EML5: variants seen among roughly 807,000 people sequenced by gnomAD.
EML5 encodes EMAP like 5.
Under a neutral mutation model 250.0 loss-of-function variants are expected in EML5, and 120 were observed. The observed-to-expected ratio is 0.48, with a 90% CI of 0.41 to 0.56. The LOEUF (loss-of-function observed/expected upper bound fraction) is 0.56, where lower values mean the gene tolerates loss of function less well. Ranked by LOEUF, EML5 falls within the 20% of genes least tolerant of loss-of-function variation. The probability of loss-of-function intolerance (pLI) is 0.00; values close to 1 mark genes in which losing one functional copy is unlikely to be tolerated. For synonymous variants in EML5, 771 were observed against 806.5 expected, an observed-to-expected ratio of 0.96 and a Z score of 0.75; for missense variants, 2,006 against 2,437.6, an observed-to-expected ratio of 0.82 and a Z score of 3.73.
chr14:88,747,115 C>G (rs758670492), intron 2 of EML5, among the ~76,000 whole-genome samples: 61 of 150,662 alleles, frequency 4.0e-4, no homozygotes, highest in Non-Finnish European at 6.9e-4. Context: ...GCTAAACAAA[C>G]AAACAAAAAA....
chr14:88,775,268 T>A (rs549262592), intron 1 of EML5, among the ~76,000 whole-genome samples: 181 of 152,194 alleles, frequency 1.2e-3, no homozygotes, highest in Middle Eastern at 6.8e-3. Flanking sequence ...GTACCTTAGG[T>A]ACCAGCATGG....
At position 88,638,808 on chromosome 14, in the gene EML5, C is replaced by T. The variant is rs761912191; in HGVS notation, c.4336+1G>A. The T allele has an allele frequency of 2.5e-6, 4 of 1,572,462 alleles. No homozygotes were observed. The highest frequency in any genetic ancestry group is 1.2e-5 in the South Asian group (1 of 84,448). On this transcript the variant is annotated splice_donor_variant, in intron 32 of 43. Coordinates refer to ENST00000554922, the MANE Select transcript of EML5 (RefSeq NM_183387.3). LOFTEE classifies it high-confidence loss of function. ...TTTCTTTTTAAAATACAGAAACATA[C>T]CTACTTGGCCAGTTGCCACTATGTT...
chr14:88,662,926 T>C (rs140722879), intron 24 of EML5, 105 bp downstream of exon 24: 2 of 766,558 alleles, frequency 2.6e-6, no homozygotes, highest in East Asian at 3.0e-5. Context: ...ATTTTAATAA[T>C]TTGAGAACAG....
intron 1 of EML5, among the ~76,000 whole-genome samples, chr14:88,768,806 C>G (rs1312504694): frequency 2.0e-5 from 3 of 151,986 alleles, no homozygotes; most frequent in Admixed American, 6.6e-5. Context: ...TTTATTTAAC[C>G]CATCTATTTA....
intron 4 of EML5, among the ~76,000 whole-genome samples, chr14:88,742,580 C>T (rs1012725092): frequency 1.3e-5 from 2 of 152,064 alleles, no homozygotes; most frequent in African/African-American, 4.8e-5. Context: ...GCTTTACTTA[C>T]AATATAAAAT....
At chr14:88,616,700 T>TA (rs1302239197) in intron 42 of EML5, 26 bp downstream of exon 42, 1 of 1,599,734 alleles carries the variant, frequency 6.3e-7, no homozygotes, top group African/African-American at 1.3e-5. Flanking sequence ...AGTAAACTGA[T>TA]AATAGTAAAC....
At chr14:88,616,578 C>T (rs1281097677) in intron 42 of EML5, 148 bp downstream of exon 42, 5 of 805,326 alleles carry the variant, frequency 6.2e-6, no homozygotes, top group Non-Finnish European at 7.6e-6. Context: ...TTTCTAATAG[C>T]TTTTATTTCA....
intron 15 of EML5, among the ~76,000 whole-genome samples, 184 bp downstream of exon 15, chr14:88,696,657 GTTATAA>G (rs1457615050): frequency 6.6e-6 from 1 of 152,112 alleles, no homozygotes; most frequent in African/African-American, 2.4e-5. Context: ...TACTCATTAA[GTTATAA>G]TTATAAACTA....
At chr14:88,690,936 C>T (rs2141277065) in intron 17 of EML5, among the ~76,000 whole-genome samples, 1 of 152,256 alleles carries the variant, frequency 6.6e-6, no homozygotes, top group South Asian at 2.1e-4. Flanking sequence ...TGTACAATGT[C>T]CACTAGAGCA....
intron 1 of EML5, among the ~76,000 whole-genome samples, chr14:88,757,392 T>G (rs1303136066): frequency 1.3e-5 from 2 of 152,094 alleles, no homozygotes; most frequent in Non-Finnish European, 1.5e-5. Flanking sequence ...GCATAAATCT[T>G]ACCAATCTTG....
At chr14:88,728,360 G>A (rs2093699343) in intron 7 of EML5, among the ~76,000 whole-genome samples, 1 of 152,068 alleles carries the variant, frequency 6.6e-6, no homozygotes, top group Non-Finnish European at 1.5e-5. Context: ...CCATCAAAAA[G>A]CCACGTCTAA....
At chr14:88,664,381 T>G in intron 23 of EML5, 112 bp downstream of exon 23, 1 of 856,908 alleles carries the variant, frequency 1.2e-6, no homozygotes, top group Non-Finnish European at 1.7e-6. Context: ...ATAATGGTTG[T>G]TTTTCCCAAT....
chr14:88,754,516 C>T lies in EML5; in HGVS notation c.353G>A (p.Gly118Glu). Reference sequence around the variant, plus strand: ...AAATGAAAAACTGTCACATACCTGTCCATCTAAGTCAAACGCCAAGCAAGC... The same window carrying T: ...AAATGAAAAACTGTCACATACCTGTTCATCTAAGTCAAACGCCAAGCAAGC... Reference protein sequence around the residue: ...GIACLAFDLDGQRLVSVGLDS... With the variant: ...GIACLAFDLDEQRLVSVGLDS... Residue 118 changes from glycine (G) to glutamate (E), a missense_variant, in exon 2 of 44, where the codon GGA (glycine) becomes GAA (glutamate). This residue lies in a region of EML5 where 162 missense variants were observed against 212.2 expected (regional missense o/e 0.76). Coordinates refer to ENST00000554922, the MANE Select transcript of EML5 (RefSeq NM_183387.3). 6.3e-7 allele frequency: 1 copy of T among 1,595,856 alleles called. No homozygotes were observed. Among genetic ancestry groups the T allele is most frequent in the Non-Finnish European group, 8.5e-7 (1 of 1,174,032 alleles).
intron 14 of EML5, among the ~76,000 whole-genome samples, chr14:88,699,763 G>A (rs2093165350): frequency 6.6e-6 from 1 of 152,114 alleles, no homozygotes; most frequent in Non-Finnish European, 1.5e-5. Context: ...AGCTTTAGGG[G>A]TGAAGAACAA....
Position 88,772,685 on chromosome 14 carries a change from G to A in EML5, c.198-18014C>T, listed in dbSNP as rs146051947. 5.7e-3 allele frequency among the ~76,000 whole-genome samples: 872 copies of A among 152,096 alleles called. 3 individuals are homozygous for A. Among genetic ancestry groups the A allele is most frequent in the Non-Finnish European group, 8.7e-3 (593 of 67,970 alleles). ...GAAGAATCGCTTGAACCTGGGAGGCGGAGGTTGCAGTGAGCCGAGATCCTG... is the reference window on the plus strand; with the variant it reads ...GAAGAATCGCTTGAACCTGGGAGGCAGAGGTTGCAGTGAGCCGAGATCCTG... On this transcript the variant is annotated intron_variant, in intron 1 of 43. Coordinates refer to ENST00000554922, the MANE Select transcript of EML5 (RefSeq NM_183387.3).
chr14:88,681,989 A>G lies in EML5; in HGVS notation c.3025T>C (p.Tyr1009His). Reference protein sequence around the residue: ...GEVWGLATHPYLPICATVSDD... With the variant: ...GEVWGLATHPHLPICATVSDD... ...CTTACAGTAGCACAGATGGGCAGAT[A>G]AGGGTGTGTAGCTAAACCCCACACC... The change falls in exon 21 of 44, where the codon TAT becomes CAT. Residue 1009 changes from tyrosine to histidine, a missense_variant. Tyr to His is a moderately conservative substitution (Grantham distance 83). This residue lies in a region of EML5 where 1,375 missense variants were observed against 1,590.3 expected (regional missense o/e 0.86). Coordinates refer to ENST00000554922, the MANE Select transcript of EML5 (RefSeq NM_183387.3). 4 of 1,612,876 alleles carry G rather than the reference A, an allele frequency of 2.5e-6. No homozygotes were observed. The Admixed American group carries it at 5.0e-5, about 20-fold the overall frequency.
Position 88,705,473 on chromosome 14 carries a change from G to A in EML5, c.1932+9C>T, listed in dbSNP as rs1392020066. The A allele has an allele frequency of 6.3e-7, 1 of 1,579,932 alleles. No homozygotes were observed. The highest frequency in any genetic ancestry group is 1.8e-5 in the Admixed American group (1 of 56,884). ...TTTTAGAGAAAAACCATGTGATATG[G>A]AAAATTACCTGTCGACGGTAGGTGA... On this transcript the variant is annotated intron_variant, in intron 12 of 43. Coordinates refer to ENST00000554922, the MANE Select transcript of EML5 (RefSeq NM_183387.3).
At chr14:88,734,212 T>C (rs1403709019) in intron 7 of EML5, among the ~76,000 whole-genome samples, 1 of 152,070 alleles carries the variant, frequency 6.6e-6, no homozygotes, top group African/African-American at 2.4e-5. Context: ...TTGGTAAATA[T>C]AGGGAAAGAA....
chr14:88,703,221 CA>C (rs2093251356), intron 13 of EML5, among the ~76,000 whole-genome samples: 1 of 151,948 alleles, frequency 6.6e-6, no homozygotes, highest in African/African-American at 2.4e-5. Context: ...TACTATAAAA[CA>C]AAAACAATTG....
Sources: gnomAD v4.1 joint callset for allele counts (sites outside exome capture counted in the v4.1 genomes callset) on GRCh38, gnomAD v4.1.1 for gene constraint, gnomAD v4.1.1 regional missense constraint, MANE v1.5 for transcripts, NCBI Gene and HGNC (gene_info 2026-07-23, HGNC 2026-07-21) for gene names.